The following STARD13 variants were observed in gnomAD, a reference collection of about 807,000 sequenced individuals.
The protein encoded by STARD13 is StAR related lipid transfer domain containing 13.
Under a neutral mutation model 106.4 loss-of-function variants are expected in STARD13, and 62 were observed. That is an observed-to-expected ratio of 0.58 (90% CI 0.48 to 0.72). The LOEUF is 0.72. Ranked by LOEUF, STARD13 falls within the 30% of genes least tolerant of loss-of-function variation. STARD13 has a pLI of 0.00. For missense variants in STARD13, 1,387 were observed against 1,424.0 expected (o/e 0.97, Z 0.42); for synonymous variants, 565 against 553.0 (o/e 1.02, Z -0.31).
At chr13:33,242,148 C>A (rs945881060) in intron 1 of STARD13, among the ~76,000 whole-genome samples, 3 of 152,012 alleles carry the variant, frequency 2.0e-5, no homozygotes, top group Non-Finnish European at 2.9e-5. Flanking sequence ...CGTCTCTGAC[C>A]GGCCGCCCCG....
At chr13:33,123,883 A>T (rs372260459) in intron 7 of STARD13, among the ~76,000 whole-genome samples, 8 of 152,108 alleles carry the variant, frequency 5.3e-5, no homozygotes, top group African/African-American at 1.9e-4. Context: ...ATGCCTTGGG[A>T]GAGTATGGGG....
chr13:33,350,374 T>G, exon 1 of STARD13: 1 of 1,533,966 alleles, frequency 6.5e-7, no homozygotes, highest in South Asian at 1.2e-5. Flanking sequence ...CTGATGGATC[T>G]CCTGAGCTGC....
At chr13:33,429,853 T>C in the STARD13 span, among the ~76,000 whole-genome samples, 1 of 151,446 alleles carries the variant, frequency 6.6e-6, no homozygotes, top group Admixed American at 6.6e-5. Flanking sequence ...TACTATTTGA[T>C]AGTGCCACAG....
intron 1 of STARD13, among the ~76,000 whole-genome samples, chr13:33,254,447 T>C (rs1890238315): frequency 1.3e-5 from 2 of 152,188 alleles, no homozygotes; most frequent in Admixed American, 6.5e-5. Context: ...GCCTATATTC[T>C]AGCATTTGAA....
At chr13:33,409,057 T>A in the STARD13 span, among the ~76,000 whole-genome samples, 1 of 151,768 alleles carries the variant, frequency 6.6e-6, no homozygotes, top group Non-Finnish European at 1.5e-5. Context: ...TTAACTCATA[T>A]TATATATTTT....
chr13:33,644,012 T>C, the STARD13 span, among the ~76,000 whole-genome samples: 1 of 152,240 alleles, frequency 6.6e-6, no homozygotes, highest in Non-Finnish European at 1.5e-5. Flanking sequence ...CTTGTTAGCT[T>C]CAGTTTTGAG....
upstream of STARD13, among the ~76,000 whole-genome samples, chr13:33,351,759 T>A (rs1251191264): frequency 6.6e-6 from 1 of 152,240 alleles, no homozygotes; most frequent in Non-Finnish European, 1.5e-5. Context: ...CAAAATTTAA[T>A]CAGATATTCA....
chr13:33,173,012 GA>G (rs1884144693), intron 1 of STARD13, among the ~76,000 whole-genome samples: 1 of 152,088 alleles, frequency 6.6e-6, no homozygotes, highest in South Asian at 2.1e-4. Context: ...AAGTAGGCTT[GA>G]GTAGAGTGTT....
At chr13:33,494,404 A>T in the STARD13 span, among the ~76,000 whole-genome samples, 7 of 152,266 alleles carry the variant, frequency 4.6e-5, no homozygotes, top group African/African-American at 1.7e-4. Flanking sequence ...CCCTAAATGC[A>T]GTACCTTGCA....
At chr13:33,639,047 A>G in the STARD13 span, among the ~76,000 whole-genome samples, 1 of 152,318 alleles carries the variant, frequency 6.6e-6, no homozygotes, top group African/African-American at 2.4e-5. Context: ...AAAGTAGTGA[A>G]TAAAAGTGAA....
chr13:33,183,743 AG>A (rs1185850961), intron 1 of STARD13, among the ~76,000 whole-genome samples: 1 of 152,140 alleles, frequency 6.6e-6, no homozygotes, highest in East Asian at 1.9e-4. Context: ...TGATGAACAA[AG>A]GATTAGGTCA....
the STARD13 span, among the ~76,000 whole-genome samples, chr13:33,520,640 C>T: frequency 1.3e-5 from 2 of 152,092 alleles, no homozygotes; most frequent in African/African-American, 2.4e-5. Context: ...CTGCCTTCCC[C>T]ACAGCTGCTG....
chr13:33,367,058 TA>T, the STARD13 span, among the ~76,000 whole-genome samples: 2 of 152,178 alleles, frequency 1.3e-5, no homozygotes, highest in African/African-American at 4.8e-5. Context: ...AAAAATACAT[TA>T]AAATCAGTAT....
At chr13:33,184,145 G>A (rs797209) in intron 1 of STARD13, among the ~76,000 whole-genome samples, 25,152 of 151,986 alleles carry the variant, frequency 0.17, 2,487 homozygotes, top group Middle Eastern at 0.25. Flanking sequence ...AACCTTTCCT[G>A]AACCCTTCTG....
the STARD13 span, among the ~76,000 whole-genome samples, chr13:33,665,299 CATATTCTGAAGAAGT>C: frequency 6.6e-6 from 1 of 152,176 alleles, no homozygotes; most frequent in African/African-American, 2.4e-5. Context: ...TGGCATTTTT[CATATTCTGAAGAAGT>C]ATTTAATTAA....
intron 1 of STARD13, among the ~76,000 whole-genome samples, chr13:33,189,973 A>T (rs1649931841): frequency 6.6e-6 from 1 of 152,038 alleles, no homozygotes; most frequent in South Asian, 2.1e-4. Context: ...TTATTTTAAA[A>T]TTTAGCTTCC....
chr13:33,166,110 T>G (rs1883284654), intron 2 of STARD13, among the ~76,000 whole-genome samples: 1 of 152,188 alleles, frequency 6.6e-6, no homozygotes, highest in African/African-American at 2.4e-5. Context: ...ATCATTGACT[T>G]GCCACTTTTT....
chr13:33,637,279 CA>C, the STARD13 span, among the ~76,000 whole-genome samples: 2 of 152,102 alleles, frequency 1.3e-5, no homozygotes, highest in African/African-American at 4.8e-5. Context: ...CTGAGCCATT[CA>C]ACAAAGTCGG....
intron 1 of STARD13, among the ~76,000 whole-genome samples, chr13:33,190,169 G>A (rs2138500064): frequency 6.6e-6 from 1 of 152,310 alleles, no homozygotes; most frequent in South Asian, 2.1e-4. Context: ...TAGGCTGGGT[G>A]TGATGGCTCA....
Sources: gnomAD v4.1 joint callset for allele counts (sites outside exome capture counted in the v4.1 genomes callset) on GRCh38, gnomAD v4.1.1 for gene constraint, MANE v1.5 for transcripts, NCBI Gene and HGNC (gene_info 2026-07-23, HGNC 2026-07-21) for gene names.